Variants in NCK2 observed in about 807,000 individuals in gnomAD.
The protein encoded by NCK2 is NCK adaptor protein 2.
A neutral mutation model predicts 33.9 loss-of-function variants in NCK2; 16 were observed. The ratio of observed to expected loss-of-function variants is 0.47; its 90% CI spans 0.32 to 0.72. The LOEUF (loss-of-function observed/expected upper bound fraction) is 0.72, where lower values mean the gene tolerates loss of function less well. Among genes scored for constraint, NCK2 ranks in the 30% least tolerant of loss-of-function variants. The probability of loss-of-function intolerance (pLI) is 0.03; values close to 1 mark genes in which losing one functional copy is unlikely to be tolerated. For synonymous variants in NCK2, 273 were observed against 239.9 expected (o/e 1.14, Z -1.27); for missense variants, 418 against 537.3 (o/e 0.78, Z 2.19).
At chr2:105,759,632 C>G (rs557570686) in intron 1 of NCK2, among the ~76,000 whole-genome samples, 3 of 152,294 alleles carry the variant, frequency 2.0e-5, no homozygotes, top group African/African-American at 7.2e-5. Flanking sequence ...TTGGTTACAT[C>G]TAATGAACCA....
At chr2:105,745,948 G>C (rs1689273007) in intron 1 of NCK2, 1 of 152,266 alleles carries the variant, frequency 6.6e-6, no homozygotes, top group African/African-American at 2.4e-5. Context: ...GCATTGTGTG[G>C]AGGGGTTTAA....
chr2:105,792,766 C>G (rs1424836254), intron 1 of NCK2, among the ~76,000 whole-genome samples: 1 of 152,206 alleles, frequency 6.6e-6, no homozygotes, highest in Non-Finnish European at 1.5e-5. Flanking sequence ...TCTGGCAAGG[C>G]TGCCCCTTAG....
intron 3 of NCK2, among the ~76,000 whole-genome samples, chr2:105,873,001 C>G (rs1678078136): frequency 6.6e-6 from 1 of 152,210 alleles, no homozygotes; most frequent in Admixed American, 6.5e-5. Flanking sequence ...TGGGGCCAGA[C>G]CAGTGGCATC....
At chr2:105,892,913 G>A (rs1679048608) in intron 4 of NCK2, 69 bp from the exon 5 acceptor site, 1 of 1,316,272 alleles carries the variant, frequency 7.6e-7, no homozygotes, top group Non-Finnish European at 1.1e-6. Context: ...ACGCACAAGA[G>A]ATGTGGATGG....
intron 1 of NCK2, among the ~76,000 whole-genome samples, chr2:105,812,983 A>T (rs184287937): frequency 6.6e-6 from 1 of 152,326 alleles, no homozygotes; most frequent in Non-Finnish European, 1.5e-5. Flanking sequence ...TACCCCAGAC[A>T]GATGGCATCA....
intron 1 of NCK2, among the ~76,000 whole-genome samples, chr2:105,804,555 G>C (rs560419155): frequency 6.6e-6 from 1 of 152,286 alleles, no homozygotes; most frequent in South Asian, 2.1e-4. Context: ...TTTCAGCCCA[G>C]ACACAGTATT....
At chr2:105,766,790 A>G (rs1306517526) in intron 1 of NCK2, among the ~76,000 whole-genome samples, 2 of 152,166 alleles carry the variant, frequency 1.3e-5, no homozygotes, top group African/African-American at 2.4e-5. Context: ...TCTTGTGGGC[A>G]TGCAGGATTT....
At chr2:105,873,566 A>G (rs1206911053) in intron 3 of NCK2, among the ~76,000 whole-genome samples, 1 of 152,066 alleles carries the variant, frequency 6.6e-6, no homozygotes, top group Admixed American at 6.6e-5. Context: ...CAGCTCACCC[A>G]TATTTACCAC....
rs1573615509 is a variant in NCK2, at chr2:105,807,720, TC to T, written c.-200-8708del. On this transcript the variant is annotated intron_variant, in intron 1 of 4. Coordinates refer to ENST00000233154, the MANE Select transcript of NCK2 (RefSeq NM_003581.5). The stretch of plus-strand genomic sequence containing the variant: ...CTCTTTTCTTTTTTCCTTCCTTCCT[TC>T]CTTCCTTCTTTCCTTCCTTCCTTCC... Among the ~76,000 whole-genome samples the T allele has an allele frequency of 8.8e-5, 10 of 113,490 alleles. No individual in the cohort carries two copies. In the South Asian group the frequency reaches 3.4e-3, roughly 39 times the overall value. The allele number at this position is 113,490 out of a possible 152,430, so 74.5% of individuals were successfully genotyped here.
At chr2:105,777,034 C>A (rs905374719) in intron 1 of NCK2, among the ~76,000 whole-genome samples, 2 of 151,764 alleles carry the variant, frequency 1.3e-5, no homozygotes, top group Non-Finnish European at 2.9e-5. Context: ...AGAAAGCTGC[C>A]GCTGTCCCTA....
chr2:105,824,516 C>A (rs1420097775), intron 2 of NCK2, among the ~76,000 whole-genome samples: 2 of 152,200 alleles, frequency 1.3e-5, no homozygotes, highest in Non-Finnish European at 2.9e-5. Context: ...CTGGTACAGG[C>A]CTTTCTTGTG....
rs1014966168 is a variant in NCK2, at chr2:105,764,125, G to A, written c.-201+18987G>A. 5.9e-5 allele frequency among the ~76,000 whole-genome samples: 9 copies of A among 152,340 alleles called. No individual in the cohort carries two copies. The South Asian group carries it at 8.3e-4, about 14-fold the overall frequency. The stretch of plus-strand genomic sequence containing the variant: ...TCCGAGTGCTAGTCCTGGCAGCTTC[G>A]CTTTGCAGAGCTTTCACGTGGGTGC... On this transcript the variant is annotated intron_variant, in intron 1 of 4. Coordinates refer to ENST00000233154, the MANE Select transcript of NCK2 (RefSeq NM_003581.5).
chr2:105,747,259 G>A (rs985512656), intron 1 of NCK2, among the ~76,000 whole-genome samples: 1 of 152,160 alleles, frequency 6.6e-6, no homozygotes, highest in Non-Finnish European at 1.5e-5. Flanking sequence ...CAGATCTTAT[G>A]TACACAGTAC....
intron 1 of NCK2, among the ~76,000 whole-genome samples, chr2:105,758,291 A>G (rs1689655792): frequency 6.6e-6 from 1 of 152,180 alleles, no homozygotes; most frequent in Non-Finnish European, 1.5e-5. Flanking sequence ...TGAATATTGC[A>G]CATCAATCCT....
intron 1 of NCK2, among the ~76,000 whole-genome samples, chr2:105,771,154 C>T (rs1690124321): frequency 6.6e-6 from 1 of 152,050 alleles, no homozygotes. Flanking sequence ...GATCTCCTGA[C>T]CTCGTGATCC....
chr2:105,810,278 G>A (rs58927672), intron 1 of NCK2, among the ~76,000 whole-genome samples: 5,718 of 152,130 alleles, frequency 0.038, 121 homozygotes, highest in South Asian at 0.084. Context: ...CTTCTGGCCC[G>A]CTTCTTAAGA....
chr2:105,803,626 C>T (rs1014395539), intron 1 of NCK2, among the ~76,000 whole-genome samples: 1 of 152,210 alleles, frequency 6.6e-6, no homozygotes, highest in African/African-American at 2.4e-5. Flanking sequence ...CATGCCCCTG[C>T]ATCATGTGCA....
chr2:105,783,839 C>G (rs1036276989), intron 1 of NCK2, among the ~76,000 whole-genome samples: 3 of 152,060 alleles, frequency 2.0e-5, no homozygotes, highest in Non-Finnish European at 2.9e-5. Context: ...GCATTTCTTC[C>G]CAGAAAGTGG....
intron 1 of NCK2, among the ~76,000 whole-genome samples, chr2:105,758,087 G>T (rs1689649844): frequency 6.6e-6 from 1 of 152,158 alleles, no homozygotes; most frequent in South Asian, 2.1e-4. Flanking sequence ...CTTACATGTT[G>T]TTTATTGCTT....
Sources: gnomAD v4.1 joint callset for allele counts (sites outside exome capture counted in the v4.1 genomes callset) on GRCh38, gnomAD v4.1.1 for gene constraint, MANE v1.5 for transcripts, NCBI Gene and HGNC (gene_info 2026-07-23, HGNC 2026-07-21) for gene names.